Variants in KCNIP4 observed in about 807,000 individuals in gnomAD.
KCNIP4 encodes the protein Kv channel-interacting protein 4.
KCNIP4 carries 12 observed loss-of-function variants against 34.0 expected under a neutral mutation model. The observed-to-expected ratio is 0.35, with a 90% CI of 0.23 to 0.57. The LOEUF (loss-of-function observed/expected upper bound fraction) is 0.57. KCNIP4 is among the 20% of genes least tolerant of loss of function. The pLI, the probability that KCNIP4 is intolerant of heterozygous loss-of-function variation, is 0.83. For missense variants in KCNIP4, 238 were observed against 311.7 expected, an observed-to-expected ratio of 0.76 and a Z score of 1.78; for synonymous variants, 124 against 102.2, an observed-to-expected ratio of 1.21 and a Z score of -1.29.
chr4:21,156,324 G>A (rs138379691), intron 1 of KCNIP4, among the ~76,000 whole-genome samples: 1 of 152,248 alleles, frequency 6.6e-6, no homozygotes, highest in Non-Finnish European at 1.5e-5. Flanking sequence ...CAATGAATGT[G>A]AACAGGAATG....
intron 1 of KCNIP4, among the ~76,000 whole-genome samples, chr4:21,121,575 T>C (rs1044372051): frequency 2.0e-4 from 31 of 152,260 alleles, no homozygotes; most frequent in African/African-American, 7.0e-4. Flanking sequence ...ACAGAGAACA[T>C]GTTTTATTAA....
chr4:21,759,939 C>G (rs1411347127), intron 1 of KCNIP4, among the ~76,000 whole-genome samples: 1 of 151,950 alleles, frequency 6.6e-6, no homozygotes, highest in Non-Finnish European at 1.5e-5. Context: ...CTCTCAATGT[C>G]TTTGCTCTTC....
intron 1 of KCNIP4, among the ~76,000 whole-genome samples, chr4:20,958,743 T>G (rs1319607671): frequency 6.6e-6 from 1 of 152,190 alleles, no homozygotes; most frequent in Non-Finnish European, 1.5e-5. Flanking sequence ...ACCTCTAAAA[T>G]AATCTAAGCT....
chr4:21,131,269 T>C (rs1751048039), intron 1 of KCNIP4, among the ~76,000 whole-genome samples: 1 of 152,174 alleles, frequency 6.6e-6, no homozygotes, highest in African/African-American at 2.4e-5. Flanking sequence ...GAATAATAGA[T>C]AACTTTGAAC....
intron 1 of KCNIP4, among the ~76,000 whole-genome samples, chr4:21,546,401 A>G (rs1355623195): frequency 1.3e-5 from 2 of 152,134 alleles, no homozygotes; most frequent in African/African-American, 4.8e-5. Context: ...CCTAGTTCAT[A>G]TAAAGCAAAG....
chr4:21,652,050 T>C (rs1373038605), intron 1 of KCNIP4, among the ~76,000 whole-genome samples: 1 of 152,144 alleles, frequency 6.6e-6, no homozygotes, highest in Non-Finnish European at 1.5e-5. Context: ...CATTGCGAAG[T>C]TCCAACAGGT....
intron 1 of KCNIP4, among the ~76,000 whole-genome samples, chr4:21,135,247 G>C (rs1243553920): frequency 1.3e-5 from 2 of 152,154 alleles, no homozygotes; most frequent in Non-Finnish European, 2.9e-5. Context: ...GGTGTAGAAT[G>C]GGTCAAAGAG....
At chr4:21,509,781 T>A (rs1734150284) in intron 1 of KCNIP4, among the ~76,000 whole-genome samples, 1 of 152,172 alleles carries the variant, frequency 6.6e-6, no homozygotes, top group Non-Finnish European at 1.5e-5. Flanking sequence ...CAATTATTTA[T>A]TTCCATTGCT....
At chr4:21,044,827 C>T (rs1391165022) in intron 1 of KCNIP4, among the ~76,000 whole-genome samples, 5 of 152,200 alleles carry the variant, frequency 3.3e-5, no homozygotes, top group African/African-American at 1.2e-4. Context: ...GAATCCTCTT[C>T]CACCCTTCAA....
intron 3 of KCNIP4, among the ~76,000 whole-genome samples, chr4:20,806,275 C>G (rs1207631193): frequency 1.3e-5 from 2 of 151,546 alleles, no homozygotes; most frequent in African/African-American, 4.8e-5. Context: ...ATTTCTTTTA[C>G]TTTTATTTCC....
intron 1 of KCNIP4, among the ~76,000 whole-genome samples, chr4:21,293,215 C>T (rs1763641748): frequency 6.6e-6 from 1 of 152,152 alleles, no homozygotes; most frequent in African/African-American, 2.4e-5. Flanking sequence ...GAGCCAGCTA[C>T]CTTCCATTCA....
chr4:20,763,197 A>G (rs1755086374), intron 3 of KCNIP4, among the ~76,000 whole-genome samples: 2 of 152,090 alleles, frequency 1.3e-5, no homozygotes, highest in African/African-American at 4.8e-5. Context: ...AATCTGAAAT[A>G]CTCCAATGAG....
At chr4:21,724,642 T>C (rs1278269889) in intron 1 of KCNIP4, among the ~76,000 whole-genome samples, 1 of 152,022 alleles carries the variant, frequency 6.6e-6, no homozygotes, top group Non-Finnish European at 1.5e-5. Flanking sequence ...TTTCCCTCTG[T>C]TGGTCTAAAA....
chr4:21,041,441 T>C (rs1741956075), intron 1 of KCNIP4, among the ~76,000 whole-genome samples: 1 of 152,150 alleles, frequency 6.6e-6, no homozygotes, highest in African/African-American at 2.4e-5. Flanking sequence ...AGATTTACCT[T>C]CACATTTCAA....
At chr4:21,770,976 G>C (rs1265544443) in intron 1 of KCNIP4, among the ~76,000 whole-genome samples, 1 of 152,074 alleles carries the variant, frequency 6.6e-6, no homozygotes, top group Non-Finnish European at 1.5e-5. Context: ...TTTGGCTTTT[G>C]TTGCAATTGC....
chr4:20,966,996 A>G (rs1320823170), intron 1 of KCNIP4, among the ~76,000 whole-genome samples: 8 of 152,168 alleles, frequency 5.3e-5, no homozygotes. Context: ...AGCCAGCAGC[A>G]TTTCTGGAAA....
chr4:21,605,673 G>T (rs893264918), intron 1 of KCNIP4, among the ~76,000 whole-genome samples: 2 of 152,152 alleles, frequency 1.3e-5, no homozygotes, highest in South Asian at 2.1e-4. Context: ...TAGAGATGGG[G>T]TTTCACCATG....
chr4:20,949,658 G>C (rs12644812), intron 1 of KCNIP4, among the ~76,000 whole-genome samples: 8,950 of 151,308 alleles, frequency 0.059, 607 homozygotes, highest in African/African-American at 0.17. Flanking sequence ...CACATATACA[G>C]CATGGAATAC....
intron 1 of KCNIP4, among the ~76,000 whole-genome samples, chr4:21,310,980 C>A (rs531333376): frequency 3.9e-4 from 60 of 152,142 alleles, no homozygotes; most frequent in Admixed American, 1.0e-3. Flanking sequence ...GCATTTATGG[C>A]AGAGGCAGTA....
Sources: gnomAD v4.1 joint callset for allele counts (sites outside exome capture counted in the v4.1 genomes callset) on GRCh38, gnomAD v4.1.1 for gene constraint, MANE v1.5 for transcripts, NCBI Gene and HGNC (gene_info 2026-07-23, HGNC 2026-07-21) for gene names.